Variants in TTC7B observed in about 807,000 individuals in gnomAD.
The protein encoded by TTC7B is tetratricopeptide repeat protein 7B.
In TTC7B, 28 loss-of-function variants were observed where a neutral mutation model predicts 106.8. The observed-to-expected ratio is 0.26, with a 90% confidence interval of 0.19 to 0.36. The LOEUF is 0.36. TTC7B is among the 10% of genes least tolerant of loss of function. The pLI is 1.00. For missense variants in TTC7B, 862 were observed against 1,076.4 expected, an observed-to-expected ratio of 0.80 and a Z score of 2.79; for synonymous variants, 405 against 430.6, an observed-to-expected ratio of 0.94 and a Z score of 0.74.
intron 19 of TTC7B, among the ~76,000 whole-genome samples, chr14:90,546,828 C>T (rs1889857840): frequency 6.6e-6 from 1 of 152,220 alleles, no homozygotes; most frequent in Non-Finnish European, 1.5e-5. Context: ...GCTCGGGGTC[C>T]AGTGCAAATC....
intron 1 of TTC7B, among the ~76,000 whole-genome samples, chr14:90,792,422 C>T (rs113684067): frequency 0.042 from 6,455 of 152,070 alleles, 191 homozygotes; most frequent in Non-Finnish European, 0.058. Flanking sequence ...ACTAAAAATA[C>T]AAAAATTAGC....
At chr14:90,673,647 C>T (rs1294134101) in intron 9 of TTC7B, among the ~76,000 whole-genome samples, 2 of 152,174 alleles carry the variant, frequency 1.3e-5, no homozygotes, top group Non-Finnish European at 2.9e-5. Context: ...CAGTTATCCT[C>T]ACAACAACAC....
At position 90,798,908 on chromosome 14, in the gene TTC7B, A is replaced by G. The variant is rs1735712503; in HGVS notation, c.122-12580T>C. On this transcript the variant is annotated intron_variant, in intron 1 of 19. Coordinates refer to ENST00000328459, the MANE Select transcript of TTC7B (RefSeq NM_001010854.2). ...TAATTCGATTTTTACTACCATGTAC[A>G]TTCATTACCTACAAAAAACATGAAC... 1.3e-5 allele frequency among the ~76,000 whole-genome samples: 2 copies of G among 152,048 alleles called. 1 individual carries two copies. The highest frequency in any genetic ancestry group is 1.3e-4 in the Admixed American group (2 of 15,246).
intron 17 of TTC7B, among the ~76,000 whole-genome samples, chr14:90,599,282 C>T (rs988407464): frequency 6.6e-6 from 1 of 152,230 alleles, no homozygotes; most frequent in Non-Finnish European, 1.5e-5. Flanking sequence ...AGCTCTCCTT[C>T]TAACTGTCTG....
intron 19 of TTC7B, among the ~76,000 whole-genome samples, chr14:90,557,027 A>T (rs1244450173): frequency 6.6e-6 from 1 of 152,172 alleles, no homozygotes; most frequent in Non-Finnish European, 1.5e-5. Flanking sequence ...CGGCCACTGC[A>T]GTGCTGCACG....
intron 16 of TTC7B, among the ~76,000 whole-genome samples, chr14:90,616,452 C>G (rs114419451): frequency 6.6e-6 from 1 of 152,160 alleles, no homozygotes; most frequent in South Asian, 2.1e-4. Context: ...AGGGCGGGTG[C>G]GCCCAGCAGC....
intron 9 of TTC7B, among the ~76,000 whole-genome samples, chr14:90,670,683 C>T (rs1156851474): frequency 6.6e-6 from 1 of 152,028 alleles, no homozygotes; most frequent in Non-Finnish European, 1.5e-5. Flanking sequence ...AGAACATTTC[C>T]ATAATGGTGA....
chr14:90,599,156 GAAGA>G (rs1892331318), intron 17 of TTC7B, among the ~76,000 whole-genome samples: 1 of 151,976 alleles, frequency 6.6e-6, no homozygotes, highest in African/African-American at 2.4e-5. Context: ...CAAAAAAAGA[GAAGA>G]AAAAGACAAA....
rs956457093 is a variant in TTC7B, at chr14:90,531,597, C to T, written c.*9771G>A. On this transcript the variant is annotated 3_prime_UTR_variant, in exon 20 of 20. Coordinates refer to ENST00000328459, the MANE Select transcript of TTC7B (RefSeq NM_001010854.2). ...TTGTGCCATTGCGCTCCAGCCTGGA[C>T]AACAAGAGCGAAACTCCTTCTCAAA... is the stretch of plus-strand genomic sequence containing the variant. 8.4e-6 allele frequency: 1 copy of T among 118,446 alleles called. No homozygotes were observed. The highest frequency in any genetic ancestry group is 1.6e-5 in the Non-Finnish European group (1 of 61,940). 7.3% of individuals were successfully genotyped at this position (118,446 alleles called of 1,614,324 possible).
chr14:90,553,191 C>T (rs901905436), intron 19 of TTC7B, among the ~76,000 whole-genome samples: 1 of 152,208 alleles, frequency 6.6e-6, no homozygotes, highest in Non-Finnish European at 1.5e-5. Flanking sequence ...GCCCCAGGTG[C>T]AGCACCTCTG....
At chr14:90,581,288 C>G (rs1054318266) in intron 18 of TTC7B, among the ~76,000 whole-genome samples, 1 of 152,110 alleles carries the variant, frequency 6.6e-6, no homozygotes, top group Admixed American at 6.5e-5. Context: ...AGACTCAACT[C>G]AGAAGGTAAC....
intron 4 of TTC7B, among the ~76,000 whole-genome samples, chr14:90,738,235 C>T (rs1008913608): frequency 1.3e-4 from 20 of 152,128 alleles, no homozygotes; most frequent in Admixed American, 2.6e-4. Flanking sequence ...CTAGCAATTT[C>T]GGCAAAATAA....
At chr14:90,631,101 T>C (rs1884683886) in intron 15 of TTC7B, among the ~76,000 whole-genome samples, 1 of 152,252 alleles carries the variant, frequency 6.6e-6, no homozygotes. Flanking sequence ...CCCAAAGTGT[T>C]GGGATTACAG....
At chr14:90,812,525 C>G (rs1304555279) in intron 1 of TTC7B, among the ~76,000 whole-genome samples, 1 of 152,138 alleles carries the variant, frequency 6.6e-6, no homozygotes, top group Non-Finnish European at 1.5e-5. Context: ...GAAGCCGGCC[C>G]AAGAATCCGC....
intron 19 of TTC7B, among the ~76,000 whole-genome samples, chr14:90,571,048 C>T (rs1042373324): frequency 4.0e-5 from 6 of 148,168 alleles, no homozygotes; most frequent in African/African-American, 8.0e-5. Context: ...TGTTCTGCTT[C>T]TGCTCCTAAC....
chr14:90,760,176 G>A (rs1890452417), intron 3 of TTC7B, among the ~76,000 whole-genome samples: 1 of 152,170 alleles, frequency 6.6e-6, no homozygotes, highest in South Asian at 2.1e-4. Context: ...GGCGGACTCA[G>A]CACAGGGAAG....
intron 5 of TTC7B, among the ~76,000 whole-genome samples, chr14:90,701,794 GTGTA>G (rs778263125): frequency 0.19 from 23,632 of 124,424 alleles, 1,956 homozygotes; most frequent in African/African-American, 0.25. Context: ...GTGTGTGTGT[GTGTA>G]TATATATATA....
chr14:90,632,856 T>G (rs769602238), intron 15 of TTC7B, among the ~76,000 whole-genome samples: 12 of 152,204 alleles, frequency 7.9e-5, no homozygotes, highest in Non-Finnish European at 1.5e-4. Context: ...TAGTTAAAAA[T>G]GTGTAAAGTG....
At chr14:90,541,979 A>T (rs980760571) in intron 19 of TTC7B, among the ~76,000 whole-genome samples, 2 of 152,168 alleles carry the variant, frequency 1.3e-5, no homozygotes, top group African/African-American at 4.8e-5. Context: ...TCGCTCTGTC[A>T]TCCAGGCTGG....
Sources: allele counts gnomAD v4.1 joint callset (sites outside exome capture counted in the v4.1 genomes callset), GRCh38; gene constraint gnomAD v4.1.1; transcripts MANE v1.5; gene names NCBI Gene and HGNC (gene_info 2026-07-23, HGNC 2026-07-21).